The following CPSF2 variants were observed in gnomAD, a reference collection of about 807,000 sequenced individuals.
CPSF2 encodes the protein cleavage and polyadenylation specific factor 2, also known as cleavage and polyadenylation specificity factor subunit 2.
In CPSF2, 51 loss-of-function variants were observed where a neutral mutation model predicts 84.2. The observed-to-expected ratio is 0.61, with a 90% CI of 0.48 to 0.77. The LOEUF (loss-of-function observed/expected upper bound fraction) is 0.77, where lower values mean the gene tolerates loss of function less well. Among genes scored for constraint, CPSF2 ranks in the 30% least tolerant of loss-of-function variants. The pLI, the probability that CPSF2 is intolerant of heterozygous loss-of-function variation, is 0.00. For missense variants in CPSF2, 641 were observed against 929.4 expected, an observed-to-expected ratio of 0.69 and a Z score of 4.03; for synonymous variants, 286 against 311.9, an observed-to-expected ratio of 0.92 and a Z score of 0.87.
In CPSF2 at chr14:92,148,380, C is replaced by T. The variant is rs542443470; in HGVS notation, c.1140+5086C>T. Among the ~76,000 whole-genome samples, 4 of 152,242 alleles carry T rather than the reference C, an allele frequency of 2.6e-5. No homozygotes were observed. In the South Asian group the frequency reaches 8.3e-4, roughly 32 times the overall value. On this transcript the variant is annotated intron_variant, in intron 9 of 15. Transcript: ENST00000298875. ...AGTGTGTGTTACCTAAAAACAAGGG[C>T]AATCTCCAGCAAAACTGTGTTACAT... is the stretch of plus-strand genomic sequence containing the variant.
intron 3 of CPSF2, among the ~76,000 whole-genome samples, chr14:92,132,375 T>A (rs927001621): frequency 6.6e-6 from 1 of 151,796 alleles, no homozygotes; most frequent in Non-Finnish European, 1.5e-5. Flanking sequence ...CCTCAGGCGA[T>A]CCACCTACCT....
At chr14:92,150,625 G>C (rs2141474224) in intron 9 of CPSF2, among the ~76,000 whole-genome samples, 1 of 152,126 alleles carries the variant, frequency 6.6e-6, no homozygotes, top group East Asian at 1.9e-4. Context: ...ACTGGGTCTT[G>C]CTACGCTGCC....
chr14:92,127,683 C>A (rs186356185), intron 2 of CPSF2, among the ~76,000 whole-genome samples: 1 of 152,022 alleles, frequency 6.6e-6, no homozygotes, highest in Non-Finnish European at 1.5e-5. Context: ...ATCAGTGATA[C>A]GTTGATGCAG....
chr14:92,145,851 A>G (rs2069136388), intron 9 of CPSF2, among the ~76,000 whole-genome samples: 1 of 152,216 alleles, frequency 6.6e-6, no homozygotes, highest in African/African-American at 2.4e-5. Flanking sequence ...TTTAATAACT[A>G]ATGCTGATGC....
At chr14:92,137,792 T>C (rs1162993574) in intron 6 of CPSF2, among the ~76,000 whole-genome samples, 1 of 152,170 alleles carries the variant, frequency 6.6e-6, no homozygotes, top group African/African-American at 2.4e-5. Context: ...CAATAAAATG[T>C]TTTTATAACT....
Position 92,157,553 on chromosome 14 carries a change from A to G in CPSF2, c.1596-106A>G, listed in dbSNP as rs1595066686. On this transcript the variant is annotated intron_variant, in intron 12 of 15. Coordinates refer to ENST00000298875, the MANE Select transcript of CPSF2 (RefSeq NM_017437.3). The surrounding 1 kb of genome is among the most constrained non-coding windows in gnomAD (Gnocchi z 4.0). ...AAATAAATCATACAGATACTATAAC[A>G]TGTGTATTTCTCAAATCCTAGTGTT... 4 of 473,062 alleles carry G rather than the reference A, an allele frequency of 8.5e-6. No homozygotes were observed. Among genetic ancestry groups the G allele is most frequent in the Non-Finnish European group, 1.4e-5 (4 of 289,034 alleles). The allele number at this position is 473,062 out of a possible 1,614,324, so 29.3% of individuals were successfully genotyped here. A position where few individuals can be genotyped will look rare whatever the true frequency, so the allele number is the denominator to read the frequency against.
chr14:92,168,307 C>T lies in CPSF2; in HGVS notation c.*6563C>T, dbSNP rs149594911. The T allele has an allele frequency of 4.0e-5, 6 of 150,442 alleles. No homozygotes were observed. The highest frequency in any genetic ancestry group is 8.8e-5 in the Non-Finnish European group (6 of 67,800). 9.3% of individuals were successfully genotyped at this position (150,442 alleles called of 1,614,324 possible). ...CTAGAGAAGGAACATTCAAATCTTC[C>T]CACGTGGGCAAGTTCCAAGCAAATG... On this transcript the variant is annotated 3_prime_UTR_variant, in exon 16 of 16. Coordinates refer to ENST00000298875, the MANE Select transcript of CPSF2 (RefSeq NM_017437.3).
In CPSF2 at chr14:92,168,534, C is replaced by T. The variant is rs893133791; in HGVS notation, c.*6790C>T. 6.6e-6 allele frequency: 1 copy of T among 152,120 alleles called. No individual in the cohort carries two copies. The highest frequency in any genetic ancestry group is 2.4e-5 in the African/African-American group (1 of 41,396). The allele number at this position is 152,120 out of a possible 1,614,324, so 9.4% of individuals were successfully genotyped here. Reference sequence around the variant, plus strand: ...TTTTTGGTGCTTTTCGTTCATTATTCACTCCATTTCATTTTAGCTCTTGAA... The same window carrying T: ...TTTTTGGTGCTTTTCGTTCATTATTTACTCCATTTCATTTTAGCTCTTGAA... On this transcript the variant is annotated 3_prime_UTR_variant, in exon 16 of 16. Coordinates refer to ENST00000298875, the MANE Select transcript of CPSF2 (RefSeq NM_017437.3).
chr14:92,124,944 G>A (rs951063677), intron 1 of CPSF2, among the ~76,000 whole-genome samples: 1 of 152,142 alleles, frequency 6.6e-6, no homozygotes, highest in African/African-American at 2.4e-5. Flanking sequence ...TAGACTAGAT[G>A]TGGGAATTTG....
At chr14:92,125,898 A>G (rs1395352719) in intron 1 of CPSF2, among the ~76,000 whole-genome samples, 1 of 152,108 alleles carries the variant, frequency 6.6e-6, no homozygotes, top group African/African-American at 2.4e-5. Context: ...GGTAATGTCA[A>G]CTTAAAAAAA....
chr14:92,146,540 A>T (rs1010643306), intron 9 of CPSF2, among the ~76,000 whole-genome samples: 9 of 152,090 alleles, frequency 5.9e-5, no homozygotes, highest in Admixed American at 5.2e-4. Context: ...ACAAAAACAC[A>T]TACAGTTCAC....
At chr14:92,156,737 G>T in intron 12 of CPSF2, 106 bp downstream of exon 12, 1 of 744,226 alleles carries the variant, frequency 1.3e-6, no homozygotes, top group Non-Finnish European at 2.0e-6. Flanking sequence ...ATATTCTTTA[G>T]TAAGTTTGTG....
intron 12 of CPSF2, 29 bp downstream of exon 12, chr14:92,156,660 A>G: frequency 2.1e-6 from 3 of 1,426,174 alleles, no homozygotes; most frequent in Non-Finnish European, 2.8e-6. Flanking sequence ...TTTTGAAAAT[A>G]GATTATAAGA....
At chr14:92,134,532 A>G (rs2068974679) in intron 5 of CPSF2, among the ~76,000 whole-genome samples, 177 bp downstream of exon 5, 1 of 152,232 alleles carries the variant, frequency 6.6e-6, no homozygotes. Flanking sequence ...AATATTTCAG[A>G]AAAAATGCTA....
chr14:92,161,003 G>A, intron 14 of CPSF2, 109 bp from the exon 15 acceptor site: 1 of 1,051,238 alleles, frequency 9.5e-7, no homozygotes, highest in Non-Finnish European at 1.4e-6. Context: ...GGACTTCAGG[G>A]AATAATAGAA....
At chr14:92,132,048 A>G (rs2068938878) in intron 3 of CPSF2, among the ~76,000 whole-genome samples, 2 of 152,164 alleles carry the variant, frequency 1.3e-5, no homozygotes, top group African/African-American at 2.4e-5. Context: ...TGTGGTTACT[A>G]TGCGAAAAAG....
chr14:92,127,392 A>G (rs928126586), intron 2 of CPSF2, among the ~76,000 whole-genome samples: 3 of 152,186 alleles, frequency 2.0e-5, no homozygotes, highest in South Asian at 2.1e-4. Context: ...GAGAAATATA[A>G]TGAGTTGTTA....
Position 92,159,182 on chromosome 14 carries a change from C to T in CPSF2, c.2021C>T (p.Ala674Val). ...GCTCCCTCAGATTCTAGCGTTATAG[C>T]ACAACAAAAGGCCATGAAAAGTCTG... ...VEAPSDSSVI[A>V]QQKAMKSLFG... The change falls in exon 14 of 16, where the codon GCA becomes GTA. Residue 674 changes from alanine (A) to valine (V), a missense_variant. By Grantham distance (64) the Ala-to-Val change is moderately conservative (BLOSUM62 0). Coordinates refer to ENST00000298875, the MANE Select transcript of CPSF2 (RefSeq NM_017437.3). 6.2e-7 allele frequency: 1 copy of T among 1,613,876 alleles called. No homozygotes were observed.
At chr14:92,126,370 T>G (rs1595048249) in intron 2 of CPSF2, among the ~76,000 whole-genome samples, 190 bp downstream of exon 2, 3 of 152,334 alleles carry the variant, frequency 2.0e-5, no homozygotes, top group Admixed American at 2.0e-4. Context: ...AAGGAAGACT[T>G]AAGTAGAAAA....
Sources: allele counts gnomAD v4.1 joint callset (sites outside exome capture counted in the v4.1 genomes callset), GRCh38; gene constraint gnomAD v4.1.1; non-coding constraint Gnocchi (gnomAD v3.1); transcripts MANE v1.5; gene names NCBI Gene and HGNC (gene_info 2026-07-23, HGNC 2026-07-21).